ERI1: variants seen among roughly 807,000 people sequenced by gnomAD.
ERI1 encodes 3'-5' exoribonuclease 1.
In ERI1, 39 loss-of-function variants were observed where a neutral mutation model predicts 39.7. That is an observed-to-expected ratio of 0.98 (90% confidence interval 0.76 to 1.28). The LOEUF is 1.28. ERI1 is among the 50% of genes most tolerant of loss of function. The pLI is 0.00. For missense variants in ERI1, 581 were observed against 416.9 expected (o/e 1.39, Z -3.43); for synonymous variants, 204 against 149.6 (o/e 1.36, Z -2.65).
At chr8:9,006,252 C>T (rs1430204315) in intron 1 of ERI1, among the ~76,000 whole-genome samples, 1 of 152,134 alleles carries the variant, frequency 6.6e-6, no homozygotes, top group Non-Finnish European at 1.5e-5. Flanking sequence ...GATTGGACCT[C>T]GGCTGTCTCT....
chr8:9,074,448 G>A (rs781217404), intron 3 of ERI1, among the ~76,000 whole-genome samples: 2 of 151,902 alleles, frequency 1.3e-5, no homozygotes, highest in South Asian at 4.2e-4. Flanking sequence ...TTAAATTTAA[G>A]TTTTTATTTT....
intron 3 of ERI1, among the ~76,000 whole-genome samples, chr8:9,081,384 C>A (rs1191048998): frequency 6.6e-6 from 1 of 152,196 alleles, no homozygotes; most frequent in African/African-American, 2.4e-5. Flanking sequence ...ATTGTTGAAG[C>A]TGCCAAGGGT....
At chr8:9,008,261 C>G (rs571407561) in intron 2 of ERI1, 113 bp downstream of exon 2, 13 of 929,488 alleles carry the variant, frequency 1.4e-5, no homozygotes, top group South Asian at 2.3e-5. Context: ...TGACATGATC[C>G]TATTAACAGT....
chr8:9,069,161 C>T (rs939516723), intron 3 of ERI1, among the ~76,000 whole-genome samples: 35 of 152,106 alleles, frequency 2.3e-4, no homozygotes, highest in African/African-American at 2.7e-4. Flanking sequence ...GTGGGGTTAA[C>T]GGTTTGAACA....
chr8:9,088,974 A>C (rs928527277), intron 3 of ERI1, among the ~76,000 whole-genome samples: 2 of 152,166 alleles, frequency 1.3e-5, no homozygotes, highest in African/African-American at 4.8e-5. Context: ...CAGGGTTAGC[A>C]CGTACAGTGT....
intron 3 of ERI1, among the ~76,000 whole-genome samples, chr8:9,060,727 A>AT (rs1182870639): frequency 6.6e-6 from 1 of 152,180 alleles, no homozygotes; most frequent in Non-Finnish European, 1.5e-5. Context: ...GGAGTGAACG[A>AT]TGTGAAGGAG....
chr8:9,030,030 AG>A lies in ERI1; in HGVS notation c.1047del (p.Lys349AsnfsTer16). ...CCACCACAAATGCCACATTTTAGAAAGTAACAACAGTTTTGTGTGTGGATCA... is the reference window on the plus strand; with the variant it reads ...CCACCACAAATGCCACATTTTAGAAATAACAACAGTTTTGTGTGTGGATCA... ...TPPPQMPHFR[K>X] On this transcript the variant is annotated frameshift_variant, in exon 7 of 7. Transcript: ENST00000250263. LOFTEE classifies it high-confidence loss of function. The A allele has an allele frequency of 1.5e-5, 23 of 1,584,416 alleles. No individual in the cohort carries two copies. The highest frequency in any genetic ancestry group is 2.0e-5 in the Non-Finnish European group (23 of 1,165,694).
chr8:9,009,962 G>C (rs17155101), intron 2 of ERI1, among the ~76,000 whole-genome samples: 4 of 152,178 alleles, frequency 2.6e-5, no homozygotes, highest in South Asian at 2.1e-4. Flanking sequence ...ATTTTACCTC[G>C]TAAGCAGAAG....
rs1471029701 is a variant in ERI1, at chr8:9,030,348, T to G, written c.*314T>G. 3.5e-6 allele frequency: 1 copy of G among 282,236 alleles called. No homozygotes were observed. Among genetic ancestry groups the G allele is most frequent in the East Asian group, 6.5e-5 (1 of 15,446 alleles). 17.5% of individuals were successfully genotyped at this position (282,236 alleles called of 1,614,324 possible). ...TTAAAATGCAAAATCTTATTGGCTG[T>G]TCTGTTGAATGTCATATCTTACTGG... is the stretch of plus-strand genomic sequence containing the variant. On this transcript the variant is annotated 3_prime_UTR_variant, in exon 7 of 7. Transcript: ENST00000250263.
rs1170405153 is a variant in ERI1, at chr8:9,031,189, A to G, written c.*1155A>G. 1 of 152,160 alleles carries G rather than the reference A, an allele frequency of 6.6e-6. No homozygotes were observed. The highest frequency in any genetic ancestry group is 2.4e-5 in the African/African-American group (1 of 41,432). The allele number at this position is 152,160 out of a possible 1,614,324, so 9.4% of individuals were successfully genotyped here. A position where few individuals can be genotyped will look rare whatever the true frequency, so the allele number is the denominator to read the frequency against. ...CTTTTACCTTTTAATAAAAATTGTG[A>G]TGCTACTTTATTCTAAAGATTTATA... On this transcript the variant is annotated 3_prime_UTR_variant, in exon 7 of 7. Transcript: ENST00000250263.
At chr8:9,020,162 T>A (rs1317834324) in intron 5 of ERI1, among the ~76,000 whole-genome samples, 188 bp from the exon 6 acceptor site, 1 of 152,154 alleles carries the variant, frequency 6.6e-6, no homozygotes, top group Non-Finnish European at 1.5e-5. Context: ...ATATCCGACT[T>A]CTTTGTTTGG....
intron 3 of ERI1, among the ~76,000 whole-genome samples, chr8:9,039,708 T>A (rs753472552): frequency 1.7e-4 from 26 of 152,322 alleles, no homozygotes; most frequent in African/African-American, 6.3e-4. Context: ...GTTAATAATA[T>A]TAACTTTTAC....
chr8:9,043,537 G>C (rs1037100102), intron 3 of ERI1, among the ~76,000 whole-genome samples: 9 of 152,228 alleles, frequency 5.9e-5, no homozygotes, highest in Non-Finnish European at 1.3e-4. Flanking sequence ...CATCATCCAT[G>C]ATAGGCAGAT....
intron 3 of ERI1, among the ~76,000 whole-genome samples, chr8:9,053,870 G>C (rs780833355): frequency 3.3e-5 from 5 of 152,196 alleles, no homozygotes; most frequent in Non-Finnish European, 5.9e-5. Flanking sequence ...TGCCTCCAGA[G>C]AACCACGTTC....
chr8:9,042,491 T>C (rs1475170405), intron 3 of ERI1, among the ~76,000 whole-genome samples: 1 of 152,180 alleles, frequency 6.6e-6, no homozygotes, highest in African/African-American at 2.4e-5. Context: ...TACTCTTGTG[T>C]CACTCAAGTC....
intron 3 of ERI1, among the ~76,000 whole-genome samples, chr8:9,057,142 T>G (rs1332879222): frequency 6.6e-6 from 1 of 151,508 alleles, no homozygotes; most frequent in Non-Finnish European, 1.5e-5. Context: ...TGTTTTTTTG[T>G]TTTTTTGTTT....
Position 9,030,791 on chromosome 8 carries a change from T to C in ERI1, c.*757T>C, listed in dbSNP as rs987999536. 6.6e-6 allele frequency: 1 copy of C among 152,206 alleles called. No individual in the cohort carries two copies. Among genetic ancestry groups the C allele is most frequent in the Non-Finnish European group, 1.5e-5 (1 of 68,022 alleles). 9.4% of individuals were successfully genotyped at this position (152,206 alleles called of 1,614,324 possible). A position where few individuals can be genotyped will look rare whatever the true frequency, so the allele number is the denominator to read the frequency against. ...TTTTTTGACATATGTATGCCTTAAT[T>C]CTTAAATCTGAGGGACCATGCTTTG... is the stretch of plus-strand genomic sequence containing the variant. On this transcript the variant is annotated 3_prime_UTR_variant, in exon 7 of 7. Transcript: ENST00000250263.
Position 9,031,388 on chromosome 8 carries a change from A to G in ERI1, c.*1354A>G, listed in dbSNP as rs896572480. On this transcript the variant is annotated 3_prime_UTR_variant, in exon 7 of 7. Coordinates refer to ENST00000250263, the MANE Select transcript of ERI1 (RefSeq NM_153332.4). ...AGTCATATAATCAGTATCATAAAGA[A>G]TAATGTGTAAATAACAGAAGGCATA... The G allele has an allele frequency of 6.6e-6, 1 of 152,224 alleles. No homozygotes were observed. The highest frequency in any genetic ancestry group is 1.5e-5 in the Non-Finnish European group (1 of 68,046). 9.4% of individuals were successfully genotyped at this position (152,224 alleles called of 1,614,324 possible).
At chr8:9,058,432 C>T (rs1490338916) in intron 3 of ERI1, among the ~76,000 whole-genome samples, 1 of 152,172 alleles carries the variant, frequency 6.6e-6, no homozygotes, top group African/African-American at 2.4e-5. Context: ...GATAACTAAT[C>T]CCTGCCGTGA....
Sources: allele counts gnomAD v4.1 joint callset (sites outside exome capture counted in the v4.1 genomes callset), GRCh38; gene constraint gnomAD v4.1.1; transcripts MANE v1.5; gene names NCBI Gene and HGNC (gene_info 2026-07-23, HGNC 2026-07-21).